ITGA9: variants seen among roughly 807,000 people sequenced by gnomAD.
ITGA9 encodes integrin subunit alpha 9, also known as integrin alpha-9.
ITGA9 carries 56 observed loss-of-function variants against 127.8 expected under a neutral mutation model. The ratio of observed to expected loss-of-function variants is 0.44; its 90% CI spans 0.35 to 0.55. The LOEUF (loss-of-function observed/expected upper bound fraction) is 0.55, where lower values mean the gene tolerates loss of function less well. ITGA9 is among the 20% of genes least tolerant of loss of function. ITGA9 has a pLI of 0.00. For missense variants in ITGA9, 1,196 were observed against 1,347.1 expected, an observed-to-expected ratio of 0.89 and a Z score of 1.76; for synonymous variants, 508 against 514.5, an observed-to-expected ratio of 0.99 and a Z score of 0.17.
chr3:37,582,205 A>G (rs1309200196), intron 15 of ITGA9, among the ~76,000 whole-genome samples: 3 of 152,246 alleles, frequency 2.0e-5, no homozygotes, highest in Non-Finnish European at 2.9e-5. Context: ...TAGAGCCTAG[A>G]TAAAAGTGTT....
At chr3:37,663,125 G>A (rs530427234) in intron 17 of ITGA9, among the ~76,000 whole-genome samples, 6 of 144,566 alleles carry the variant, frequency 4.2e-5, no homozygotes, top group East Asian at 2.1e-4. Flanking sequence ...TTGTCAAAAC[G>A]TCCAGGAACA....
chr3:37,503,201 A>G lies in ITGA9; in HGVS notation c.636A>G (p.Pro212=). ...AGGAGCTGGTGGTGATGGGTGCTCC[A>G]GGGTCATTTTATTGGGCTGGAACCA... ...FTEELVVMGA[P]GSFYWAGTIK... Residue 212 remains proline, a synonymous_variant, in exon 6 of 28, where the codon CCA becomes CCG. Transcript: ENST00000264741. 1 of 1,613,944 alleles carries G rather than the reference A, an allele frequency of 6.2e-7. No homozygotes were observed. Among genetic ancestry groups the G allele is most frequent in the Non-Finnish European group, 8.5e-7 (1 of 1,179,920 alleles).
chr3:37,527,677 T>G (rs1392964381), intron 13 of ITGA9, among the ~76,000 whole-genome samples: 1 of 152,258 alleles, frequency 6.6e-6, no homozygotes, highest in Admixed American at 6.5e-5. Flanking sequence ...TTTCATGATG[T>G]CATCTTTGCT....
intron 15 of ITGA9, among the ~76,000 whole-genome samples, chr3:37,599,415 G>A (rs1699897153): frequency 1.3e-5 from 2 of 152,306 alleles, no homozygotes; most frequent in Admixed American, 1.3e-4. Flanking sequence ...GGCTGGCCTG[G>A]GCTTGTTTAC....
chr3:37,791,319 T>C (rs1413338075), intron 26 of ITGA9, among the ~76,000 whole-genome samples: 1 of 152,064 alleles, frequency 6.6e-6, no homozygotes, highest in African/African-American at 2.4e-5. Flanking sequence ...AGTCCACAGA[T>C]GAGTCGGTAA....
At chr3:37,645,239 C>A (rs1318438569) in intron 16 of ITGA9, among the ~76,000 whole-genome samples, 1 of 152,106 alleles carries the variant, frequency 6.6e-6, no homozygotes, top group East Asian at 1.9e-4. Context: ...ACCATAGGGG[C>A]AGAGACCTTC....
rs1698682659 is a variant in ITGA9, at chr3:37,492,411, G to T, written c.545-2090G>T. Among the ~76,000 whole-genome samples the T allele has an allele frequency of 1.3e-5, 2 of 152,248 alleles. 1 individual carries two copies. On this transcript the variant is annotated intron_variant, in intron 4 of 27. Coordinates refer to ENST00000264741, the MANE Select transcript of ITGA9 (RefSeq NM_002207.3). ...GTGCTTCATGCTGCCTGAAACAGGG[G>T]TGCCTTTAAGGGCTTCCCCTTGCTG...
intron 22 of ITGA9, chr3:37,748,023 T>G (rs1696526907): frequency 2.9e-6 from 1 of 339,164 alleles, no homozygotes; most frequent in South Asian, 2.6e-5. Context: ...CCGTCCTTGT[T>G]GTTGCAAAAT....
intron 15 of ITGA9, among the ~76,000 whole-genome samples, chr3:37,566,679 C>T (rs1207552087): frequency 6.6e-6 from 1 of 152,200 alleles, no homozygotes; most frequent in Non-Finnish European, 1.5e-5. Context: ...AAGATCTAAA[C>T]TGGACCAATT....
chr3:37,718,512 C>T (rs1465056004), intron 18 of ITGA9, among the ~76,000 whole-genome samples: 1 of 152,170 alleles, frequency 6.6e-6, no homozygotes, highest in East Asian at 1.9e-4. Context: ...AATCTCTTAA[C>T]TTCAAAAATG....
intron 18 of ITGA9, among the ~76,000 whole-genome samples, chr3:37,729,089 C>G (rs1696255395): frequency 6.6e-6 from 1 of 151,982 alleles, no homozygotes; most frequent in Admixed American, 6.6e-5. Flanking sequence ...AGCTGTTGTA[C>G]TTATCTAGTA....
At chr3:37,728,093 T>G (rs1696237435) in intron 18 of ITGA9, among the ~76,000 whole-genome samples, 1 of 152,228 alleles carries the variant, frequency 6.6e-6, no homozygotes, top group Admixed American at 6.5e-5. Flanking sequence ...GCGTTCCCAG[T>G]CAGCTAAGAG....
chr3:37,734,423 C>T (rs1352954457), intron 19 of ITGA9, among the ~76,000 whole-genome samples: 1 of 152,234 alleles, frequency 6.6e-6, no homozygotes, highest in Non-Finnish European at 1.5e-5. Context: ...TCATTTTAAA[C>T]TCCAGCCTAT....
chr3:37,815,564 G>T (rs1232395858), intron 27 of ITGA9, among the ~76,000 whole-genome samples: 1 of 151,368 alleles, frequency 6.6e-6, no homozygotes, highest in Non-Finnish European at 1.5e-5. Context: ...AGCCGAGATG[G>T]CGCCATTGCA....
intron 18 of ITGA9, among the ~76,000 whole-genome samples, chr3:37,717,446 T>G (rs113016711): frequency 1.2e-3 from 189 of 152,338 alleles, no homozygotes; most frequent in Non-Finnish European, 2.1e-3. Flanking sequence ...CTGGGCAATT[T>G]ATGAAGAAAG....
At chr3:37,646,846 A>T (rs1463552689) in intron 16 of ITGA9, among the ~76,000 whole-genome samples, 1 of 152,106 alleles carries the variant, frequency 6.6e-6, no homozygotes, top group Non-Finnish European at 1.5e-5. Context: ...CCTCAGAGGA[A>T]AATCAGGAGT....
intron 15 of ITGA9, among the ~76,000 whole-genome samples, chr3:37,572,023 G>T (rs763430966): frequency 5.9e-5 from 9 of 152,038 alleles, no homozygotes; most frequent in East Asian, 3.9e-4. Flanking sequence ...AATTATTTTG[G>T]TAGCCCGTTG....
At chr3:37,497,872 G>A (rs1232662608) in intron 5 of ITGA9, among the ~76,000 whole-genome samples, 2 of 152,364 alleles carry the variant, frequency 1.3e-5, no homozygotes, top group East Asian at 1.9e-4. Context: ...GGCTATTTGA[G>A]CTGGGTTTGC....
intron 18 of ITGA9, among the ~76,000 whole-genome samples, chr3:37,715,603 G>A (rs1472471415): frequency 3.3e-5 from 5 of 152,164 alleles, no homozygotes; most frequent in Non-Finnish European, 7.3e-5. Flanking sequence ...ATGTTTAAGG[G>A]GCACTTAAGT....
Sources: gnomAD v4.1 joint callset for allele counts (sites outside exome capture counted in the v4.1 genomes callset) on GRCh38, gnomAD v4.1.1 for gene constraint, MANE v1.5 for transcripts, NCBI Gene and HGNC (gene_info 2026-07-23, HGNC 2026-07-21) for gene names.